PRSS12: variants seen among roughly 807,000 people sequenced by gnomAD.
PRSS12 encodes neurotrypsin.
Under a neutral mutation model 104.4 loss-of-function variants are expected in PRSS12, and 85 were observed. The observed-to-expected ratio is 0.81, with a 90% confidence interval of 0.68 to 0.98. The LOEUF is 0.98. PRSS12 is among the 50% of genes least tolerant of loss of function. PRSS12 has a pLI of 0.00. For synonymous variants in PRSS12, 454 were observed against 425.2 expected (o/e 1.07, Z -0.83); for missense variants, 1,141 against 1,139.2 (o/e 1.00, Z -0.02).
At chr4:118,283,140 C>T (rs1274873560) in intron 11 of PRSS12, 29 bp from the exon 12 acceptor site, 1 of 1,611,836 alleles carries the variant, frequency 6.2e-7, no homozygotes, top group Non-Finnish European at 8.5e-7. Context: ...TAATGAGAGA[C>T]TTGCTTCAGA....
chr4:118,310,825 C>G (rs879318578), intron 7 of PRSS12, among the ~76,000 whole-genome samples: 10 of 152,164 alleles, frequency 6.6e-5, no homozygotes, highest in Non-Finnish European at 1.2e-4. Flanking sequence ...CCAAGGCAGG[C>G]AGATCACCTG....
At position 118,335,479 on chromosome 4, in the gene PRSS12, A is replaced by G. The variant is rs748090043; in HGVS notation, c.814T>C (p.Ser272Pro). Reference protein sequence around the residue: ...KMAAAVTCSFSHGPTFPIIRL... With the variant: ...KMAAAVTCSFPHGPTFPIIRL... ...ACTTTTTTCTTTTTTTTACCATGGG[A>G]AAAGCTACACGTGACAGCAGCTGCC... The change falls in exon 3 of 13, where the codon TCC becomes CCC. Residue 272 changes from serine (S) to proline (P), a missense_variant. Coordinates refer to ENST00000296498, the MANE Select transcript of PRSS12 (RefSeq NM_003619.4). 1 of 1,613,772 alleles carries G rather than the reference A, an allele frequency of 6.2e-7. No homozygotes were observed. Among genetic ancestry groups the G allele is most frequent in the African/African-American group, 1.3e-5 (1 of 74,900 alleles).
chr4:118,298,494 G>A (rs1202842569), intron 9 of PRSS12, among the ~76,000 whole-genome samples: 1 of 152,156 alleles, frequency 6.6e-6, no homozygotes, highest in East Asian at 1.9e-4. Context: ...AAAGTGAAAA[G>A]AGGATGATCC....
At chr4:118,346,977 G>GCA (rs141285212) in intron 1 of PRSS12, among the ~76,000 whole-genome samples, 333 of 150,264 alleles carry the variant, frequency 2.2e-3, no homozygotes, top group African/African-American at 7.0e-3. Flanking sequence ...ATGCACACAT[G>GCA]CACACACACA....
intron 1 of PRSS12, among the ~76,000 whole-genome samples, chr4:118,341,595 T>C (rs1177249172): frequency 1.3e-5 from 2 of 151,956 alleles, no homozygotes; most frequent in East Asian, 3.9e-4. Context: ...AGCAGGAGAA[T>C]CACTTGAACC....
At chr4:118,296,996 G>A (rs1238315228) in intron 9 of PRSS12, among the ~76,000 whole-genome samples, 2 of 151,994 alleles carry the variant, frequency 1.3e-5, no homozygotes, top group Non-Finnish European at 2.9e-5. Flanking sequence ...CATCATTCTG[G>A]GGCAAAGAAC....
chr4:118,299,932 G>A (rs1743365289), intron 8 of PRSS12, among the ~76,000 whole-genome samples: 2 of 148,380 alleles, frequency 1.3e-5, no homozygotes. Context: ...AGTGAGCTGA[G>A]ATCACGCCGT....
chr4:118,288,270 G>A (rs1373242496), intron 11 of PRSS12, among the ~76,000 whole-genome samples: 6 of 152,246 alleles, frequency 3.9e-5, no homozygotes, highest in Admixed American at 2.6e-4. Context: ...AGAATCTTGC[G>A]TTAGCCCTTA....
At chr4:118,325,615 G>A (rs1723751077) in intron 4 of PRSS12, among the ~76,000 whole-genome samples, 1 of 152,050 alleles carries the variant, frequency 6.6e-6, no homozygotes, top group Non-Finnish European at 1.5e-5. Context: ...TGGCTTTCAA[G>A]AGAATACCAA....
chr4:118,351,423 A>G (rs937246928), intron 1 of PRSS12, among the ~76,000 whole-genome samples: 2 of 152,208 alleles, frequency 1.3e-5, no homozygotes, highest in African/African-American at 4.8e-5. Flanking sequence ...TTATTCATTT[A>G]CATTAAATTT....
At chr4:118,339,030 A>G (rs2126043088) in intron 1 of PRSS12, among the ~76,000 whole-genome samples, 1 of 152,318 alleles carries the variant, frequency 6.6e-6, no homozygotes, top group South Asian at 2.1e-4. Flanking sequence ...GAGCTGTCCC[A>G]AAGTCCACAA....
chr4:118,322,887 G>A (rs948296155), intron 4 of PRSS12, among the ~76,000 whole-genome samples: 8 of 151,622 alleles, frequency 5.3e-5, no homozygotes, highest in South Asian at 2.1e-4. Flanking sequence ...CTTGTGAGCC[G>A]AGTGGTTTTT....
At chr4:118,287,424 A>G (rs769794016) in intron 11 of PRSS12, among the ~76,000 whole-genome samples, 1 of 152,218 alleles carries the variant, frequency 6.6e-6, no homozygotes, top group Non-Finnish European at 1.5e-5. Flanking sequence ...TGCTGAGATT[A>G]TAGGTACTGC....
At chr4:118,295,698 C>T in intron 10 of PRSS12, 80 bp downstream of exon 10, 1 of 1,313,148 alleles carries the variant, frequency 7.6e-7, no homozygotes, top group South Asian at 1.2e-5. Flanking sequence ...CCTTATATAA[C>T]AGAACATCCC....
intron 2 of PRSS12, among the ~76,000 whole-genome samples, chr4:118,337,628 A>T (rs1724093961): frequency 6.6e-6 from 1 of 152,066 alleles, no homozygotes; most frequent in African/African-American, 2.4e-5. Flanking sequence ...ACCAAAACCT[A>T]AGGCCTGGGA....
At chr4:118,343,135 T>C (rs888708645) in intron 1 of PRSS12, among the ~76,000 whole-genome samples, 1 of 151,888 alleles carries the variant, frequency 6.6e-6, no homozygotes, top group African/African-American at 2.4e-5. Flanking sequence ...ACACCTGTAA[T>C]CCCAGCACTT....
intron 6 of PRSS12, among the ~76,000 whole-genome samples, chr4:118,315,047 A>T (rs1743868627): frequency 6.6e-6 from 1 of 152,118 alleles, no homozygotes; most frequent in South Asian, 2.1e-4. Context: ...AAATTACAGT[A>T]ACTTCTCTGC....
chr4:118,347,564 G>A (rs942936102), intron 1 of PRSS12, among the ~76,000 whole-genome samples: 11 of 152,170 alleles, frequency 7.2e-5, no homozygotes, highest in Non-Finnish European at 1.5e-4. Flanking sequence ...TTGTAAAAAA[G>A]GGAGGCTCTC....
chr4:118,327,803 G>A (rs951241851), intron 4 of PRSS12, among the ~76,000 whole-genome samples: 11 of 152,074 alleles, frequency 7.2e-5, no homozygotes, highest in Admixed American at 4.6e-4. Flanking sequence ...CTCCTTTCCC[G>A]CTGCTCATCT....
Sources: allele counts gnomAD v4.1 joint callset (sites outside exome capture counted in the v4.1 genomes callset), GRCh38; gene constraint gnomAD v4.1.1; transcripts MANE v1.5; gene names NCBI Gene and HGNC (gene_info 2026-07-23, HGNC 2026-07-21).